The following LRRC37A2 variants were observed in gnomAD, a reference collection of about 807,000 sequenced individuals.
LRRC37A2 encodes leucine rich repeat containing 37 member A2.
In LRRC37A2, 9 loss-of-function variants were observed where a neutral mutation model predicts 68.8. The observed-to-expected ratio is 0.13, with a 90% CI of 0.08 to 0.23. The LOEUF (loss-of-function observed/expected upper bound fraction) is 0.23. Ranked by LOEUF, LRRC37A2 falls within the 10% of genes least tolerant of loss-of-function variation. The pLI is 1.00. For synonymous variants in LRRC37A2, 63 were observed against 367.6 expected (o/e 0.17, Z 9.48); for missense variants, 168 against 950.4 (o/e 0.18, Z 10.82).
At chr17:46,929,559 G>A in the LRRC37A2 span, 2 of 1,563,046 alleles carry the variant, frequency 1.3e-6, no homozygotes, top group Non-Finnish European at 1.8e-6. Context: ...GACGCCTGGA[G>A]ACGGCAGACA....
chr17:46,755,883 G>C, the LRRC37A2 span: 2 of 1,524,010 alleles, frequency 1.3e-6, no homozygotes, highest in South Asian at 2.3e-5. Flanking sequence ...AGATGGCCTA[G>C]GATCTTCACT....
the LRRC37A2 span, among the ~76,000 whole-genome samples, chr17:46,731,059 A>G: frequency 1.3e-5 from 2 of 152,308 alleles, no homozygotes; most frequent in East Asian, 1.9e-4. Flanking sequence ...ATATGTCCAC[A>G]TGAAAGCTTG....
chr17:46,583,762 T>A, the LRRC37A2 span, among the ~76,000 whole-genome samples: 1 of 69,648 alleles, frequency 1.4e-5, no homozygotes. Context: ...AGTAGTTAGC[T>A]GCAGTCAGTC....
chr17:46,721,539 C>CTG, the LRRC37A2 span: 9 of 1,188,640 alleles, frequency 7.6e-6, no homozygotes, highest in East Asian at 7.0e-5. Flanking sequence ...CATTCTTTTT[C>CTG]TGTGTGTGTG....
chr17:46,840,499 A>T, the LRRC37A2 span, among the ~76,000 whole-genome samples: 1 of 152,312 alleles, frequency 6.6e-6, no homozygotes, highest in South Asian at 2.1e-4. Flanking sequence ...TAGTAGCATG[A>T]TTTATAATCC....
At chr17:46,836,095 C>CGTACGTGTGTGTGT in the LRRC37A2 span, among the ~76,000 whole-genome samples, 47 of 126,502 alleles carry the variant, frequency 3.7e-4, no homozygotes, top group African/African-American at 1.4e-3. Flanking sequence ...GAGACGCTGA[C>CGTACGTGTGTGTGT]GTGTGTGTGT....
At chr17:46,818,905 T>A in the LRRC37A2 span, 1 of 449,306 alleles carries the variant, frequency 2.2e-6, no homozygotes, top group Non-Finnish European at 4.0e-6. Flanking sequence ...CCAGCAAACT[T>A]GGGCAAAGCC....
the LRRC37A2 span, among the ~76,000 whole-genome samples, chr17:47,030,088 A>C: frequency 2.2e-3 from 236 of 107,138 alleles, no homozygotes; most frequent in African/African-American, 5.0e-3. Context: ...TAATAATAAT[A>C]ATCATCATCA....
the LRRC37A2 span, among the ~76,000 whole-genome samples, chr17:46,896,444 AAG>A: frequency 0.059 from 5,315 of 90,352 alleles, 130 homozygotes; most frequent in African/African-American, 0.077. Context: ...GAAAGAAAGA[AAG>A]AAAGAAAAAG....
the LRRC37A2 span, among the ~76,000 whole-genome samples, chr17:46,736,468 A>G: frequency 6.6e-6 from 1 of 152,218 alleles, no homozygotes; most frequent in Non-Finnish European, 1.5e-5. Flanking sequence ...GGGATCTCAC[A>G]ATGGCCAGAA....
At chr17:46,748,646 C>T in the LRRC37A2 span, among the ~76,000 whole-genome samples, 16 of 152,116 alleles carry the variant, frequency 1.1e-4, no homozygotes, top group Admixed American at 3.3e-4. Context: ...ACAGCTGTGC[C>T]CCAGGCCTAG....
chr17:46,711,341 G>A, the LRRC37A2 span, among the ~76,000 whole-genome samples: 1 of 152,142 alleles, frequency 6.6e-6, no homozygotes, highest in Non-Finnish European at 1.5e-5. Context: ...TTTCTTGTAG[G>A]ATTATATCTG....
At chr17:46,857,357 C>A in the LRRC37A2 span, among the ~76,000 whole-genome samples, 1 of 151,728 alleles carries the variant, frequency 6.6e-6, no homozygotes, top group African/African-American at 2.4e-5. Context: ...TGCCTCTAAT[C>A]CCAGCTACTC....
chr17:46,985,034 G>T, the LRRC37A2 span, among the ~76,000 whole-genome samples: 3 of 152,232 alleles, frequency 2.0e-5, no homozygotes, highest in Non-Finnish European at 4.4e-5. Context: ...ATGGGCAAAG[G>T]TAGCCTGCTG....
At chr17:46,501,400 C>G in the LRRC37A2 span, among the ~76,000 whole-genome samples, 1 of 151,170 alleles carries the variant, frequency 6.6e-6, no homozygotes, top group Admixed American at 6.6e-5. Context: ...GTCTTGAACT[C>G]CTGACCTCAA....
the LRRC37A2 span, among the ~76,000 whole-genome samples, chr17:46,773,110 C>A: frequency 2.6e-4 from 39 of 152,192 alleles, no homozygotes; most frequent in African/African-American, 9.2e-4. Flanking sequence ...CAGTTAGACT[C>A]CCAGGCTGCA....
the LRRC37A2 span, among the ~76,000 whole-genome samples, chr17:46,814,130 C>T: frequency 6.6e-6 from 1 of 152,206 alleles, no homozygotes; most frequent in Non-Finnish European, 1.5e-5. Context: ...CCCAAGCCCT[C>T]AGGATCCCTG....
chr17:46,784,443 C>G, the LRRC37A2 span, among the ~76,000 whole-genome samples: 1 of 151,886 alleles, frequency 6.6e-6, no homozygotes, highest in African/African-American at 2.4e-5. Context: ...ACTTTAGGCC[C>G]CATCTTGGCT....
At chr17:46,493,876 C>T in the LRRC37A2 span, among the ~76,000 whole-genome samples, 1 of 149,720 alleles carries the variant, frequency 6.7e-6, no homozygotes, top group Non-Finnish European at 1.5e-5. Flanking sequence ...CTTTCACCCA[C>T]GCTGGAGTGC....
Sources: gnomAD v4.1 joint callset for allele counts (sites outside exome capture counted in the v4.1 genomes callset) on GRCh38, gnomAD v4.1.1 for gene constraint, MANE v1.5 for transcripts, NCBI Gene and HGNC (gene_info 2026-07-23, HGNC 2026-07-21) for gene names.